Variants in TMPRSS11A observed in about 807,000 individuals in gnomAD.
The protein encoded by TMPRSS11A is transmembrane serine protease 11A.
Under a neutral mutation model 58.9 loss-of-function variants are expected in TMPRSS11A, and 53 were observed. The observed-to-expected ratio is 0.90, with a 90% CI of 0.72 to 1.13. The LOEUF is 1.13. Ranked by LOEUF, TMPRSS11A falls within the 50% of genes most tolerant of loss-of-function variation. The pLI is 0.00. For synonymous variants in TMPRSS11A, 167 were observed against 169.8 expected (o/e 0.98, Z 0.13); for missense variants, 493 against 499.3 (o/e 0.99, Z 0.12).
intron 7 of TMPRSS11A, among the ~76,000 whole-genome samples, chr4:67,921,671 G>A (rs1334371910): frequency 6.6e-6 from 1 of 152,056 alleles, no homozygotes; most frequent in African/African-American, 2.4e-5. Flanking sequence ...TATGCTCCTA[G>A]GCAAATGAAA....
At chr4:67,918,814 A>G (rs780907304) in intron 8 of TMPRSS11A, among the ~76,000 whole-genome samples, 159 bp downstream of exon 8, 2 of 152,174 alleles carry the variant, frequency 1.3e-5, no homozygotes, top group African/African-American at 4.8e-5. Flanking sequence ...TTTATTCTGC[A>G]CTGGTTAATG....
At chr4:67,958,523 T>C (rs1721344425) in intron 1 of TMPRSS11A, among the ~76,000 whole-genome samples, 1 of 152,216 alleles carries the variant, frequency 6.6e-6, no homozygotes. Flanking sequence ...ATTTCTCTGA[T>C]TTGGAATGGG....
rs888110655 is a variant in TMPRSS11A at position 67,909,833 on chromosome 4, T to G, written c.*1509A>C. ...CATAACATAAGTATATTGGCCTATG[T>G]GACATGCAATCTCTTCTCAGCTTTA... On this transcript the variant is annotated 3_prime_UTR_variant, in exon 10 of 10. Transcript: ENST00000508048. 1 of 152,132 alleles carries G rather than the reference T, an allele frequency of 6.6e-6. No homozygotes were observed. Among genetic ancestry groups the G allele is most frequent in the African/African-American group, 2.4e-5 (1 of 41,448 alleles). 9.4% of individuals were successfully genotyped at this position (152,132 alleles called of 1,614,324 possible).
chr4:67,944,917 A>T (rs540098322), intron 2 of TMPRSS11A, among the ~76,000 whole-genome samples: 32 of 152,288 alleles, frequency 2.1e-4, no homozygotes, highest in South Asian at 1.0e-3. Context: ...TTTTACAGAT[A>T]AGGAAATTAA....
intron 3 of TMPRSS11A, among the ~76,000 whole-genome samples, chr4:67,934,723 G>A (rs1192554774): frequency 1.3e-5 from 2 of 152,134 alleles, no homozygotes; most frequent in Non-Finnish European, 2.9e-5. Flanking sequence ...ATGAAAGAGT[G>A]AGGGAGAGGC....
At chr4:67,935,504 A>T (rs947756313) in intron 3 of TMPRSS11A, among the ~76,000 whole-genome samples, 34 of 152,264 alleles carry the variant, frequency 2.2e-4, no homozygotes, top group Non-Finnish European at 2.4e-4. Context: ...CTTTAATGTA[A>T]ACATATATTA....
chr4:67,939,598 T>C (rs1430221251), intron 3 of TMPRSS11A, among the ~76,000 whole-genome samples: 1 of 152,182 alleles, frequency 6.6e-6, no homozygotes, highest in East Asian at 1.9e-4. Context: ...CTTCGATGCC[T>C]AGTCTAAGTG....
At chr4:67,914,538 C>G in intron 9 of TMPRSS11A, 50 bp downstream of exon 9, 1 of 1,554,166 alleles carries the variant, frequency 6.4e-7, no homozygotes, top group Non-Finnish European at 8.9e-7. Flanking sequence ...ATATTCTGAG[C>G]CAGATACAAA....
intron 5 of TMPRSS11A, among the ~76,000 whole-genome samples, chr4:67,927,140 C>G (rs894556575): frequency 6.6e-6 from 1 of 152,180 alleles, no homozygotes; most frequent in East Asian, 1.9e-4. Flanking sequence ...TCTTCTTGGT[C>G]TCAGGACAAG....
intron 7 of TMPRSS11A, among the ~76,000 whole-genome samples, chr4:67,919,767 G>GTGT (rs1720269692): frequency 6.6e-6 from 1 of 152,348 alleles, no homozygotes; most frequent in South Asian, 2.1e-4. Flanking sequence ...AAGAGGGTCA[G>GTGT]TGTGAGGAGA....
Position 67,910,495 on chromosome 4 carries a change from C to T in TMPRSS11A, c.*847G>A, listed in dbSNP as rs895125877. 4 of 151,850 alleles carry T rather than the reference C, an allele frequency of 2.6e-5. No homozygotes were observed. Among genetic ancestry groups the T allele is most frequent in the African/African-American group, 7.3e-5 (3 of 41,330 alleles). 9.4% of individuals were successfully genotyped at this position (151,850 alleles called of 1,614,324 possible). ...CTACAATAATAATGCACAAAATTTC[C>T]CCCTTGTGGTCAAAATATGTAAGTG... On this transcript the variant is annotated 3_prime_UTR_variant, in exon 10 of 10. Transcript: ENST00000508048.
chr4:67,961,596 C>T (rs547662684), intron 1 of TMPRSS11A, among the ~76,000 whole-genome samples: 3 of 143,742 alleles, frequency 2.1e-5, no homozygotes, highest in South Asian at 2.2e-4. Flanking sequence ...CTGCAACCTC[C>T]GACTCCCAAG....
chr4:67,913,328 C>A (rs1485618516), intron 9 of TMPRSS11A, among the ~76,000 whole-genome samples: 1 of 152,178 alleles, frequency 6.6e-6, no homozygotes. Flanking sequence ...GTTGGTGGTG[C>A]TTGCACTTCT....
At chr4:67,960,406 G>A (rs761826140) in intron 1 of TMPRSS11A, among the ~76,000 whole-genome samples, 1 of 152,134 alleles carries the variant, frequency 6.6e-6, no homozygotes, top group Non-Finnish European at 1.5e-5. Flanking sequence ...TATTTTTCAG[G>A]TTGAAATTCC....
In TMPRSS11A at chr4:67,910,988, A is replaced by G. The variant is rs1719961092; in HGVS notation, c.*354T>C. 1 of 166,782 alleles carries G rather than the reference A, an allele frequency of 6.0e-6. No individual in the cohort carries two copies. Among genetic ancestry groups the G allele is most frequent in the Admixed American group, 6.3e-5 (1 of 15,976 alleles). The allele number at this position is 166,782 out of a possible 1,614,324, so 10.3% of individuals were successfully genotyped here. A position where few individuals can be genotyped will look rare whatever the true frequency, so the allele number is the denominator to read the frequency against. On this transcript the variant is annotated 3_prime_UTR_variant, in exon 10 of 10. Transcript: ENST00000508048. ...TTTCTTGAACACTTTGTGAGTTCAA[A>G]AAGTTTCTCAGTTAAAAGGAGACCC...
chr4:67,944,492 T>G (rs992540480), intron 3 of TMPRSS11A, 27 bp downstream of exon 3: 2 of 1,597,634 alleles, frequency 1.3e-6, no homozygotes, highest in Non-Finnish European at 1.7e-6. Flanking sequence ...CATTATTCTA[T>G]GATAAAAAGA....
intron 1 of TMPRSS11A, among the ~76,000 whole-genome samples, chr4:67,956,222 G>T (rs186452306): frequency 5.3e-5 from 8 of 152,220 alleles, no homozygotes; most frequent in Non-Finnish European, 8.8e-5. Flanking sequence ...GCTTGATGTG[G>T]TAGGCTTTAT....
At chr4:67,927,852 G>A (rs902307653) in intron 5 of TMPRSS11A, among the ~76,000 whole-genome samples, 5 of 152,148 alleles carry the variant, frequency 3.3e-5, no homozygotes, top group Admixed American at 3.3e-4. Flanking sequence ...TTTCTCATTA[G>A]TAACAGCCTC....
At chr4:67,949,825 C>A (rs1194002193) in intron 1 of TMPRSS11A, among the ~76,000 whole-genome samples, 4 of 152,196 alleles carry the variant, frequency 2.6e-5, no homozygotes, top group Non-Finnish European at 5.9e-5. Context: ...CGCCACTGCA[C>A]TCCAGCCTGG....
Sources: allele counts gnomAD v4.1 joint callset (sites outside exome capture counted in the v4.1 genomes callset), GRCh38; gene constraint gnomAD v4.1.1; transcripts MANE v1.5; gene names NCBI Gene and HGNC (gene_info 2026-07-23, HGNC 2026-07-21).